Variants in MED12L observed in about 807,000 individuals in gnomAD.
The protein encoded by MED12L is mediator of RNA polymerase II transcription subunit 12-like protein.
MED12L carries 60 observed loss-of-function variants against 281.3 expected under a neutral mutation model. That is an observed-to-expected ratio of 0.21 (90% CI 0.17 to 0.26). MED12L has a LOEUF of 0.26. Ranked by LOEUF, MED12L falls within the 10% of genes least tolerant of loss-of-function variation. The probability of loss-of-function intolerance (pLI) is 1.00; values close to 1 mark genes in which losing one functional copy is unlikely to be tolerated. For missense variants in MED12L, 2,146 were observed against 2,680.9 expected, an observed-to-expected ratio of 0.80 and a Z score of 4.41; for synonymous variants, 974 against 987.2, an observed-to-expected ratio of 0.99 and a Z score of 0.25.
At chr3:151,332,609 TACAA>T (rs1255995660) in intron 16 of MED12L, among the ~76,000 whole-genome samples, 2 of 152,216 alleles carry the variant, frequency 1.3e-5, no homozygotes, top group African/African-American at 2.4e-5. Flanking sequence ...AAAATTGAAA[TACAA>T]ACATATATAG....
intron 5 of MED12L, among the ~76,000 whole-genome samples, chr3:151,152,384 G>A (rs1303614722): frequency 6.6e-6 from 1 of 152,066 alleles, no homozygotes; most frequent in Non-Finnish European, 1.5e-5. Flanking sequence ...TTACAGGTGT[G>A]AGCCACCGCC....
At chr3:151,198,472 C>T (rs868478645) in intron 16 of MED12L, 1 of 1,611,462 alleles carries the variant, frequency 6.2e-7, no homozygotes, top group Middle Eastern at 1.7e-4. Flanking sequence ...GAGCCTTGGT[C>T]TCTTTAGGTG....
chr3:151,203,728 G>A (rs549811445), intron 16 of MED12L, among the ~76,000 whole-genome samples: 1 of 152,020 alleles, frequency 6.6e-6, no homozygotes, highest in African/African-American at 2.4e-5. Context: ...AAATAAAAAA[G>A]GAACATCATT....
intron 16 of MED12L, among the ~76,000 whole-genome samples, chr3:151,314,491 C>A (rs1165799811): frequency 6.6e-6 from 1 of 152,142 alleles, no homozygotes; most frequent in Admixed American, 6.5e-5. Context: ...TAGATAGTTA[C>A]AAGTATAAGA....
chr3:151,217,486 C>T (rs983283886), intron 16 of MED12L, among the ~76,000 whole-genome samples: 4 of 152,234 alleles, frequency 2.6e-5, no homozygotes, highest in Non-Finnish European at 4.4e-5. Flanking sequence ...AGGTAAACTT[C>T]TAGAGCAGCT....
chr3:151,291,167 TTTTTA>T (rs1744212652), intron 16 of MED12L, among the ~76,000 whole-genome samples: 1 of 145,588 alleles, frequency 6.9e-6, no homozygotes, highest in Admixed American at 6.8e-5. Flanking sequence ...TTTTTTTTTG[TTTTTA>T]TTTGTTTTTT....
chr3:151,173,321 A>T (rs1439359385), intron 11 of MED12L, among the ~76,000 whole-genome samples: 1 of 152,220 alleles, frequency 6.6e-6, no homozygotes, highest in Non-Finnish European at 1.5e-5. Flanking sequence ...AAGTAGTTCC[A>T]ATTAACAGTA....
intron 23 of MED12L, among the ~76,000 whole-genome samples, chr3:151,367,176 G>A (rs915645306): frequency 1.3e-5 from 2 of 151,994 alleles, no homozygotes. Context: ...TTTTTAAAAC[G>A]AGTTTAATCA....
intron 25 of MED12L, among the ~76,000 whole-genome samples, chr3:151,368,652 T>G (rs187331792): frequency 1.3e-4 from 8 of 61,374 alleles, no homozygotes; most frequent in South Asian, 1.3e-3. Flanking sequence ...TTCATTTCAT[T>G]TCATTTCATT....
intron 16 of MED12L, among the ~76,000 whole-genome samples, chr3:151,299,296 C>A (rs1745533639): frequency 6.6e-6 from 1 of 151,984 alleles, no homozygotes; most frequent in Non-Finnish European, 1.5e-5. Context: ...GTGTCACTAC[C>A]AGGGCACAGC....
At chr3:151,254,548 A>G (rs981522100) in intron 16 of MED12L, among the ~76,000 whole-genome samples, 1 of 152,244 alleles carries the variant, frequency 6.6e-6, no homozygotes, top group Non-Finnish European at 1.5e-5. Flanking sequence ...TTATTTCAAT[A>G]TTATAATTTG....
intron 16 of MED12L, chr3:151,213,147 C>A: frequency 5.2e-6 from 3 of 582,250 alleles, no homozygotes; most frequent in South Asian, 2.9e-5. Context: ...TACAAAAAAG[C>A]ATGGAAACTT....
At chr3:151,381,689 G>T (rs1327261675) in intron 32 of MED12L, among the ~76,000 whole-genome samples, 1 of 152,162 alleles carries the variant, frequency 6.6e-6, no homozygotes, top group East Asian at 1.9e-4. Flanking sequence ...CCATTGCCAT[G>T]CCTCAAACCA....
At chr3:151,145,849 T>C (rs1282702588) in intron 5 of MED12L, among the ~76,000 whole-genome samples, 2 of 152,220 alleles carry the variant, frequency 1.3e-5, no homozygotes, top group Non-Finnish European at 2.9e-5. Flanking sequence ...TTCCTTCATC[T>C]CCACTTTAGG....
intron 14 of MED12L, among the ~76,000 whole-genome samples, chr3:151,192,183 T>G (rs557521801): frequency 6.6e-6 from 1 of 152,352 alleles, no homozygotes; most frequent in East Asian, 1.9e-4. Context: ...TCTTTTCTAT[T>G]CTATAGATAT....
chr3:151,194,498 G>A (rs548267337), intron 16 of MED12L, among the ~76,000 whole-genome samples: 2 of 152,300 alleles, frequency 1.3e-5, no homozygotes, highest in African/African-American at 4.8e-5. Context: ...AGGTGAGCCA[G>A]TTGACATTTC....
intron 2 of MED12L, among the ~76,000 whole-genome samples, chr3:151,105,475 G>A (rs2148678025): frequency 6.6e-6 from 1 of 152,246 alleles, no homozygotes. Context: ...GAATGGCCAT[G>A]TTCCCTGCAG....
At position 151,376,113 on chromosome 3, in the gene MED12L, C is replaced by A; in HGVS notation, c.3952C>A (p.Gln1318Lys). ...LILDPVLSNM[Q>K]AQKLLQLICY... ...ATTGGACCCTGTGCTTTCAAATATG[C>A]AAGCACAGAAATTACTGCAGCTTAT... The change falls in exon 28 of 45, where the codon CAA becomes AAA. Residue 1318 changes from glutamine (Q) to lysine (K), a missense_variant. By Grantham distance (53) the Gln-to-Lys change is moderately conservative. This residue lies in a region of MED12L where 235 missense variants were observed against 260.3 expected (regional missense o/e 0.90). Transcript: ENST00000687756. 6.2e-7 allele frequency: 1 copy of A among 1,610,858 alleles called. No homozygotes were observed. Among genetic ancestry groups the A allele is most frequent in the Non-Finnish European group, 8.5e-7 (1 of 1,178,518 alleles).
At chr3:151,294,350 G>A (rs987770351) in intron 16 of MED12L, 1 of 1,614,086 alleles carries the variant, frequency 6.2e-7, no homozygotes, top group South Asian at 1.1e-5. Flanking sequence ...CAAGAAAAGT[G>A]TAATTTCTTT....
Sources: allele counts gnomAD v4.1 joint callset (sites outside exome capture counted in the v4.1 genomes callset), GRCh38; gene constraint gnomAD v4.1.1; regional missense constraint gnomAD v4.1.1; transcripts MANE v1.5; gene names NCBI Gene and HGNC (gene_info 2026-07-23, HGNC 2026-07-21).